HTT: variants seen among roughly 807,000 people sequenced by gnomAD.
HTT encodes the protein huntington disease protein.
Under a neutral mutation model 362.3 loss-of-function variants are expected in HTT, and 104 were observed. The ratio of observed to expected loss-of-function variants is 0.29; its 90% CI spans 0.24 to 0.34. The LOEUF (loss-of-function observed/expected upper bound fraction) is 0.34. Among genes scored for constraint, HTT ranks in the 10% least tolerant of loss-of-function variants. The pLI is 1.00. For synonymous variants in HTT, 1,577 were observed against 1,548.7 expected, an observed-to-expected ratio of 1.02 and a Z score of -0.43; for missense variants, 3,301 against 3,928.6, an observed-to-expected ratio of 0.84 and a Z score of 4.27.
At chr4:3,083,248 C>T (rs1183441921) in intron 1 of HTT, among the ~76,000 whole-genome samples, 3 of 152,048 alleles carry the variant, frequency 2.0e-5, no homozygotes, top group African/African-American at 4.8e-5. Context: ...TGGCTGGGCA[C>T]AATGGTTCAT....
At chr4:3,200,833 C>T (rs1202345570) in intron 41 of HTT, among the ~76,000 whole-genome samples, 3 of 152,214 alleles carry the variant, frequency 2.0e-5, no homozygotes, top group Non-Finnish European at 2.9e-5. Flanking sequence ...TGTCTTAGGC[C>T]TGTTACGATG....
chr4:3,194,454 C>T lies in HTT; in HGVS notation c.5369-5278C>T, dbSNP rs959416231. Among the ~76,000 whole-genome samples, 32 of 152,322 alleles carry T rather than the reference C, an allele frequency of 2.1e-4. 1 individual carries two copies. Among genetic ancestry groups the T allele is most frequent in the Middle Eastern group, 3.4e-3 (1 of 294 alleles). ...GAAACAGATGATGGCACCAGAGGCCCAGGAGGTGGAAACATCAGCTTTGTT... is the reference window on the plus strand; with the variant it reads ...GAAACAGATGATGGCACCAGAGGCCTAGGAGGTGGAAACATCAGCTTTGTT... On this transcript the variant is annotated intron_variant, in intron 40 of 66. Transcript: ENST00000355072.
intron 21 of HTT, among the ~76,000 whole-genome samples, chr4:3,137,553 G>A (rs1716126495): frequency 6.6e-6 from 1 of 152,134 alleles, no homozygotes; most frequent in African/African-American, 2.4e-5. Context: ...ACAAAAATTA[G>A]TCGGATGTGG....
At chr4:3,087,152 C>G (rs569784191) in intron 2 of HTT, 130 bp downstream of exon 2, 9 of 537,024 alleles carry the variant, frequency 1.7e-5, no homozygotes, top group African/African-American at 1.5e-4. Flanking sequence ...GAAGAAGGAC[C>G]CTTTTCCCAT....
At position 3,074,929 on chromosome 4, in the gene HTT, AG is replaced by A. The variant is rs771317442; in HGVS notation, c.105del (p.Gln35HisfsTer66). 1.1e-3 allele frequency: 1,554 copies of A among 1,418,856 alleles called. 11 individuals carry two copies. Among genetic ancestry groups the A allele is most frequent in the Middle Eastern group, 3.4e-3 (14 of 4,066 alleles). The allele number at this position is 1,418,856 out of a possible 1,614,324, so 87.9% of individuals were successfully genotyped here. The stretch of plus-strand genomic sequence containing the variant: ...CAGCAGCAGCAGCAGCAGCAGCAGC[AG>A]CAGCAACAGCCGCCACCGCCGCCGC... The part of the protein sequence containing the change: ...QQQQQQQQQQ[Q>X]QQQPPPPPPP... On this transcript the variant is annotated frameshift_variant, in exon 1 of 67. Coordinates refer to ENST00000355072, the MANE Select transcript of HTT (RefSeq NM_001388492.1). LOFTEE classifies it high-confidence loss of function.
At position 3,240,691 on chromosome 4, in the gene HTT, C is replaced by CGCAA. The variant is rs1721764798; in HGVS notation, c.*634_*637dup. ...CTATGCCCGTGTAAAGTATGTGAAT[C>CGCAA]GCAAGGCCTGTGCTGCATGCGACAG... On this transcript the variant is annotated 3_prime_UTR_variant, in exon 67 of 67. Coordinates refer to ENST00000355072, the MANE Select transcript of HTT (RefSeq NM_001388492.1). 6.5e-6 allele frequency: 1 copy of CGCAA among 154,298 alleles called. No individual in the cohort carries two copies. The highest frequency in any genetic ancestry group is 2.4e-5 in the African/African-American group (1 of 41,440). 9.6% of individuals were successfully genotyped at this position (154,298 alleles called of 1,614,324 possible).
chr4:3,105,231 T>C (rs916737674), intron 4 of HTT, 126 bp from the exon 5 acceptor site: 69 of 649,272 alleles, frequency 1.1e-4, no homozygotes, highest in Non-Finnish European at 1.6e-4. Context: ...CCAGATGTTT[T>C]ATGCATTTAA....
chr4:3,119,490 T>C (rs903132571), intron 8 of HTT, among the ~76,000 whole-genome samples: 3 of 152,228 alleles, frequency 2.0e-5, no homozygotes, highest in African/African-American at 7.2e-5. Context: ...GTGACTGGAC[T>C]CAGAAAGAAA....
At chr4:3,182,586 A>T in intron 37 of HTT, 116 bp downstream of exon 37, 1 of 702,134 alleles carries the variant, frequency 1.4e-6, no homozygotes, top group Non-Finnish European at 2.6e-6. Flanking sequence ...CCTTGATAGC[A>T]GTTCTCCGTG....
intron 1 of HTT, among the ~76,000 whole-genome samples, chr4:3,078,888 C>G (rs1712719784): frequency 6.6e-6 from 1 of 152,198 alleles, no homozygotes; most frequent in Non-Finnish European, 1.5e-5. Context: ...GCGCCTGCCA[C>G]CACGTCCAGC....
chr4:3,099,267 TG>T lies in HTT; in HGVS notation c.348-6del. On this transcript the variant is annotated splice_polypyrimidine_tract_variant and splice_region_variant and intron_variant, in intron 2 of 66. Transcript: ENST00000355072. ...CTCTTGACAGTTTCTCTTCTTTTTT[TG>T]CTTAGAAATTCTCCAGAATTTCAGA... 6.2e-7 allele frequency: 1 copy of T among 1,608,452 alleles called. No individual in the cohort carries two copies. Among genetic ancestry groups the T allele is most frequent in the Non-Finnish European group, 8.5e-7 (1 of 1,175,136 alleles).
At position 3,235,717 on chromosome 4, in the gene HTT, C is replaced by T. The variant is rs575359386; in HGVS notation, c.8724C>T (p.Asn2908=). The T allele has an allele frequency of 5.0e-5, 81 of 1,612,844 alleles. No individual in the cohort carries two copies. In the South Asian group the frequency reaches 6.1e-4, roughly 12 times the overall value. ...SLVKLSVDRV[N]VHSPHRAMAA... is the part of the protein sequence containing the mutation. ...TCAAGCTGAGTGTGGACAGAGTGAACGTGCACAGCCCGCACCGGGCCATGG... is the reference window on the plus strand; with the variant it reads ...TCAAGCTGAGTGTGGACAGAGTGAATGTGCACAGCCCGCACCGGGCCATGG... The change falls in exon 63 of 67, where the codon AAC becomes AAT. Residue 2908 remains asparagine (N), a synonymous_variant. Coordinates refer to ENST00000355072, the MANE Select transcript of HTT (RefSeq NM_001388492.1).
intron 63 of HTT, among the ~76,000 whole-genome samples, 175 bp from the exon 64 acceptor site, chr4:3,235,974 C>G (rs561241432): frequency 2.6e-5 from 4 of 152,216 alleles, no homozygotes; most frequent in Non-Finnish European, 5.9e-5. Flanking sequence ...TTGACCGTCC[C>G]TGTGGTCACT....
chr4:3,103,181 C>A (rs1022063857), intron 3 of HTT, among the ~76,000 whole-genome samples: 2 of 146,404 alleles, frequency 1.4e-5, no homozygotes, highest in Non-Finnish European at 3.0e-5. Context: ...ACTCCAGGGG[C>A]TTTAGGATTT....
intron 6 of HTT, among the ~76,000 whole-genome samples, chr4:3,111,747 G>T (rs574216385): frequency 2.7e-4 from 41 of 152,262 alleles, no homozygotes; most frequent in Middle Eastern, 3.4e-3. Context: ...TGCCGGAGGT[G>T]GGGGAGGGGC....
chr4:3,100,482 G>T (rs969421016), intron 3 of HTT, among the ~76,000 whole-genome samples: 1 of 152,144 alleles, frequency 6.6e-6, no homozygotes, highest in African/African-American at 2.4e-5. Flanking sequence ...CTTCTCTGGA[G>T]CCATGGGATT....
At chr4:3,165,914 A>G (rs1279538169) in intron 29 of HTT, among the ~76,000 whole-genome samples, 3 of 152,086 alleles carry the variant, frequency 2.0e-5, no homozygotes, top group Non-Finnish European at 4.4e-5. Context: ...ACTTCTGTCA[A>G]TTCATCAAAC....
Position 3,230,834 on chromosome 4 carries a change from C to T in HTT, c.8265+792C>T, listed in dbSNP as rs958929575. Among the ~76,000 whole-genome samples the T allele has an allele frequency of 4.6e-5, 7 of 152,264 alleles. No individual in the cohort carries two copies. The East Asian group carries it at 1.2e-3, about 25-fold the overall frequency. On this transcript the variant is annotated intron_variant, in intron 60 of 66. Transcript: ENST00000355072. Reference sequence around the variant, plus strand: ...GACCTCATCACCTCCCAAGGCCCCACCTTCTTGTACTGTGGCACTGCAAAT... The same window carrying T: ...GACCTCATCACCTCCCAAGGCCCCATCTTCTTGTACTGTGGCACTGCAAAT...
chr4:3,239,266 C>G (rs914997598), intron 66 of HTT, among the ~76,000 whole-genome samples: 1 of 152,180 alleles, frequency 6.6e-6, no homozygotes, highest in African/African-American at 2.4e-5. Context: ...GGGCGGTGGT[C>G]TCTGCAGACG....
Sources: allele counts gnomAD v4.1 joint callset (sites outside exome capture counted in the v4.1 genomes callset), GRCh38; gene constraint gnomAD v4.1.1; transcripts MANE v1.5; gene names NCBI Gene and HGNC (gene_info 2026-07-23, HGNC 2026-07-21).